TFDP2: variants seen among roughly 807,000 people sequenced by gnomAD.
The protein encoded by TFDP2 is transcription factor Dp-2 (E2F dimerization partner 2).
Under a neutral mutation model 59.3 loss-of-function variants are expected in TFDP2, and 17 were observed. The ratio of observed to expected loss-of-function variants is 0.29; its 90% confidence interval spans 0.20 to 0.43. The LOEUF is 0.43. Ranked by LOEUF, TFDP2 falls within the 20% of genes least tolerant of loss-of-function variation. The probability of loss-of-function intolerance (pLI) is 1.00; values close to 1 mark genes in which losing one functional copy is unlikely to be tolerated. For synonymous variants in TFDP2, 180 were observed against 194.7 expected (o/e 0.92, Z 0.63); for missense variants, 391 against 528.8 (o/e 0.74, Z 2.56).
At chr3:141,974,270 T>A (rs1940269096) in intron 7 of TFDP2, 79 bp from the exon 8 acceptor site, 1 of 1,232,496 alleles carries the variant, frequency 8.1e-7, no homozygotes, top group African/African-American at 1.6e-5. Context: ...ATCAAATTAA[T>A]ATTACAACTT....
intron 4 of TFDP2, among the ~76,000 whole-genome samples, chr3:142,003,881 A>G (rs1171158085): frequency 6.6e-6 from 1 of 152,224 alleles, no homozygotes; most frequent in African/African-American, 2.4e-5. Context: ...CATGCTTCCA[A>G]AGGAGAAATT....
intron 3 of TFDP2, among the ~76,000 whole-genome samples, chr3:142,018,987 A>G (rs1318061105): frequency 9.6e-6 from 1 of 104,216 alleles, no homozygotes; most frequent in Non-Finnish European, 1.9e-5. Context: ...CGTTTATTCT[A>G]TTATACTTGC....
intron 7 of TFDP2, among the ~76,000 whole-genome samples, chr3:141,975,384 A>C (rs1253364144): frequency 6.6e-6 from 1 of 152,082 alleles, no homozygotes; most frequent in Non-Finnish European, 1.5e-5. Flanking sequence ...ATAGAACTGA[A>C]TGTAAATACT....
chr3:142,106,054 G>A (rs1373495739), intron 1 of TFDP2, among the ~76,000 whole-genome samples: 1 of 151,724 alleles, frequency 6.6e-6, no homozygotes, highest in Non-Finnish European at 1.5e-5. Flanking sequence ...CATGGTAGAA[G>A]TGAAAAATAC....
At chr3:142,089,924 AT>A (rs577569118) in intron 3 of TFDP2, among the ~76,000 whole-genome samples, 91 of 152,130 alleles carry the variant, frequency 6.0e-4, no homozygotes, top group African/African-American at 1.8e-3. Flanking sequence ...GAAAGGCAGA[AT>A]TTTTTTTCTA....
intron 8 of TFDP2, among the ~76,000 whole-genome samples, chr3:141,972,961 T>C (rs3828397): frequency 0.073 from 11,098 of 151,508 alleles, 502 homozygotes; most frequent in Non-Finnish European, 0.11. Flanking sequence ...ATGAAAAATA[T>C]TATATAGCTT....
At chr3:142,023,947 C>T (rs921982233) in intron 3 of TFDP2, among the ~76,000 whole-genome samples, 5 of 152,120 alleles carry the variant, frequency 3.3e-5, no homozygotes, top group African/African-American at 9.7e-5. Flanking sequence ...ACCACAGGTG[C>T]GTGCCACCAT....
rs1041671466 is a variant in TFDP2 at position 142,121,852 on chromosome 3, A to T, written c.-92-20011T>A. Reference sequence around the variant, plus strand: ...TGTCTCTACTAAAAATACGAAGTTAAAAAAAAAAAAACTTCATTGTAGACA... The same window carrying T: ...TGTCTCTACTAAAAATACGAAGTTATAAAAAAAAAAACTTCATTGTAGACA... On this transcript the variant is annotated intron_variant, in intron 1 of 12. Coordinates refer to ENST00000489671, the MANE Select transcript of TFDP2 (RefSeq NM_001178139.2). This position sits in a 1 kb window ranked among gnomAD's most constrained non-coding sequence, Gnocchi z 4.3. 0.037 allele frequency among the ~76,000 whole-genome samples: 102 copies of T among 2,782 alleles called. No homozygotes were observed. The highest frequency in any genetic ancestry group is 0.26 in the African/African-American group (98 of 380). 1.8% of individuals were successfully genotyped at this position (2,782 alleles called of 152,430 possible).
At chr3:141,986,215 C>T (rs1474478146) in intron 6 of TFDP2, among the ~76,000 whole-genome samples, 1 of 152,214 alleles carries the variant, frequency 6.6e-6, no homozygotes, top group African/African-American at 2.4e-5. Context: ...TAGTGACTTA[C>T]AGCCTACAAG....
In TFDP2 at chr3:141,966,161, T is replaced by TTTA. The variant is rs990487284; in HGVS notation, c.733-2201_733-2199dup. 5.3e-5 allele frequency among the ~76,000 whole-genome samples: 8 copies of TTTA among 152,036 alleles called. No homozygotes were observed. In the South Asian group the frequency reaches 1.4e-3, roughly 28 times the overall value. On this transcript the variant is annotated intron_variant, in intron 9 of 12. Coordinates refer to ENST00000489671, the MANE Select transcript of TFDP2 (RefSeq NM_001178139.2). ...AAGAGAGCAGTAAAAACATAATGTT[T>TTTA]TTATTATTATTATTTATTATTATTT...
At chr3:142,029,548 C>T (rs528293847) in intron 3 of TFDP2, among the ~76,000 whole-genome samples, 1 of 152,120 alleles carries the variant, frequency 6.6e-6, no homozygotes, top group African/African-American at 2.4e-5. Flanking sequence ...AAAAGATGAC[C>T]TCTTAGGTTC....
chr3:142,063,271 CAT>C (rs1352667954), intron 3 of TFDP2, among the ~76,000 whole-genome samples: 2 of 152,138 alleles, frequency 1.3e-5, no homozygotes, highest in Admixed American at 1.3e-4. Context: ...ATAAATCTCA[CAT>C]AGTTAAGAAC....
intron 1 of TFDP2, among the ~76,000 whole-genome samples, chr3:142,133,375 C>A (rs1159929588): frequency 1.3e-5 from 2 of 149,476 alleles, no homozygotes; most frequent in African/African-American, 5.1e-5. Context: ...CGCCATCACA[C>A]CCCGCTAATA....
intron 3 of TFDP2, among the ~76,000 whole-genome samples, chr3:142,042,820 A>G (rs1252078259): frequency 7.4e-6 from 1 of 135,908 alleles, no homozygotes; most frequent in Non-Finnish European, 1.6e-5. Context: ...GCTCACCACA[A>G]CCTCTGCCTC....
intron 3 of TFDP2, among the ~76,000 whole-genome samples, chr3:142,074,551 T>C (rs1231848601): frequency 6.7e-6 from 1 of 149,424 alleles, no homozygotes; most frequent in African/African-American, 2.5e-5. Context: ...CATCTCTAAA[T>C]ATATAAATTA....
chr3:142,066,669 T>C (rs952077038), intron 3 of TFDP2, among the ~76,000 whole-genome samples: 1 of 152,158 alleles, frequency 6.6e-6, no homozygotes, highest in Admixed American at 6.5e-5. Flanking sequence ...ATCATCTATC[T>C]TCTGGGGACT....
At chr3:142,088,148 T>G (rs986678986) in intron 3 of TFDP2, among the ~76,000 whole-genome samples, 1 of 151,516 alleles carries the variant, frequency 6.6e-6, no homozygotes, top group Non-Finnish European at 1.5e-5. Flanking sequence ...TGGCACATAG[T>G]AAGTAAGTAC....
chr3:142,101,488 A>G (rs2061318592), intron 2 of TFDP2, among the ~76,000 whole-genome samples: 1 of 152,212 alleles, frequency 6.6e-6, no homozygotes, highest in Admixed American at 6.5e-5. Flanking sequence ...AACCTTCTGG[A>G]GATAGCAATT....
At chr3:142,093,919 A>G in intron 2 of TFDP2, 1 of 504,036 alleles carries the variant, frequency 2.0e-6, no homozygotes, top group Non-Finnish European at 3.9e-6. Flanking sequence ...ATAGCACAGG[A>G]TTTGGCACAT....
Sources: allele counts gnomAD v4.1 joint callset (sites outside exome capture counted in the v4.1 genomes callset), GRCh38; gene constraint gnomAD v4.1.1; non-coding constraint Gnocchi (gnomAD v3.1); transcripts MANE v1.5; gene names NCBI Gene and HGNC (gene_info 2026-07-23, HGNC 2026-07-21).